The following HSF2BP variants were observed in gnomAD, a reference collection of about 807,000 sequenced individuals.
HSF2BP encodes heat shock transcription factor 2 binding protein, also known as heat shock factor 2-binding protein.
Under a neutral mutation model 35.0 loss-of-function variants are expected in HSF2BP, and 35 were observed. The observed-to-expected ratio is 1.00, with a 90% CI of 0.76 to 1.32. The LOEUF is 1.32. HSF2BP is among the 40% of genes most tolerant of loss of function. The probability of loss-of-function intolerance (pLI) is 0.00; values close to 1 mark genes in which losing one functional copy is unlikely to be tolerated. For missense variants in HSF2BP, 326 were observed against 321.7 expected, an observed-to-expected ratio of 1.01 and a Z score of -0.10; for synonymous variants, 114 against 117.4, an observed-to-expected ratio of 0.97 and a Z score of 0.18.
At chr21:43,581,771 G>A (rs1205843738) in intron 8 of HSF2BP, among the ~76,000 whole-genome samples, 1 of 152,068 alleles carries the variant, frequency 6.6e-6, no homozygotes, top group Non-Finnish European at 1.5e-5. Context: ...CAGCCATATA[G>A]CTGGCACTGC....
chr21:43,588,747 G>A (rs972656680), intron 8 of HSF2BP, among the ~76,000 whole-genome samples: 10 of 152,086 alleles, frequency 6.6e-5, no homozygotes, highest in South Asian at 6.2e-4. Context: ...GACACTGTCC[G>A]CTTGCTCACG....
At chr21:43,657,324 C>A (rs1011577492) in intron 2 of HSF2BP, among the ~76,000 whole-genome samples, 2 of 152,342 alleles carry the variant, frequency 1.3e-5, no homozygotes, top group Non-Finnish European at 2.9e-5. Flanking sequence ...CGTGCCACTG[C>A]ACTCCAGTCT....
chr21:43,643,405 C>G (rs1225244416), intron 4 of HSF2BP, among the ~76,000 whole-genome samples: 1 of 152,042 alleles, frequency 6.6e-6, no homozygotes, highest in Non-Finnish European at 1.5e-5. Flanking sequence ...CCTCATGAAG[C>G]GATTAATGTG....
chr21:43,615,922 C>A (rs2082263772), intron 6 of HSF2BP, among the ~76,000 whole-genome samples: 1 of 151,992 alleles, frequency 6.6e-6, no homozygotes, highest in East Asian at 1.9e-4. Flanking sequence ...AGCAAACTGT[C>A]CCTGCCAAAC....
chr21:43,608,502 A>C (rs536119087), intron 7 of HSF2BP, among the ~76,000 whole-genome samples: 83 of 152,328 alleles, frequency 5.4e-4, no homozygotes, highest in Admixed American at 9.8e-4. Flanking sequence ...GTTGGTGGGA[A>C]TGTAAATTAA....
At chr21:43,580,426 C>T (rs2081710125) in intron 8 of HSF2BP, among the ~76,000 whole-genome samples, 1 of 152,198 alleles carries the variant, frequency 6.6e-6, no homozygotes, top group Non-Finnish European at 1.5e-5. Context: ...GCCATTTGAC[C>T]ACTCAATTAT....
chr21:43,639,144 A>C (rs901007437), intron 4 of HSF2BP, among the ~76,000 whole-genome samples: 2 of 152,230 alleles, frequency 1.3e-5, no homozygotes, highest in African/African-American at 4.8e-5. Context: ...TTCTACAAAA[A>C]TTAACTCAAA....
chr21:43,609,008 C>T (rs570995832), intron 7 of HSF2BP, among the ~76,000 whole-genome samples: 2 of 152,230 alleles, frequency 1.3e-5, no homozygotes, highest in African/African-American at 4.8e-5. Flanking sequence ...ATAGCAAAGA[C>T]ATAGAATCAA....
chr21:43,655,716 C>T (rs979970570), intron 3 of HSF2BP, among the ~76,000 whole-genome samples: 1 of 152,204 alleles, frequency 6.6e-6, no homozygotes, highest in African/African-American at 2.4e-5. Flanking sequence ...ATCTACCTCC[C>T]AGAGCACACC....
chr21:43,616,206 C>A (rs1031477248), intron 6 of HSF2BP, among the ~76,000 whole-genome samples: 1 of 152,146 alleles, frequency 6.6e-6, no homozygotes, highest in African/African-American at 2.4e-5. Context: ...CAGCAGAATG[C>A]ACACCATGAG....
intron 5 of HSF2BP, among the ~76,000 whole-genome samples, chr21:43,632,341 CAT>C (rs1416675445): frequency 2.5e-5 from 3 of 118,090 alleles, no homozygotes; most frequent in Non-Finnish European, 3.4e-5. Context: ...CCCACACACA[CAT>C]GCTCCCATAC....
chr21:43,575,495 CAGA>C (rs2081631728), intron 8 of HSF2BP, among the ~76,000 whole-genome samples: 1 of 152,318 alleles, frequency 6.6e-6, no homozygotes, highest in South Asian at 2.1e-4. Flanking sequence ...TGATTCTTTC[CAGA>C]AGGAGAGGAT....
intron 7 of HSF2BP, among the ~76,000 whole-genome samples, chr21:43,613,022 C>T (rs942059503): frequency 1.3e-5 from 2 of 152,198 alleles, no homozygotes; most frequent in African/African-American, 4.8e-5. Context: ...AAGAGTTAAT[C>T]AAAAGGAGTT....
chr21:43,467,923 A>C, the HSF2BP span, among the ~76,000 whole-genome samples: 1 of 102,768 alleles, frequency 9.7e-6, no homozygotes, highest in Non-Finnish European at 2.0e-5. Context: ...CACCACACAC[A>C]CCACACACCA....
chr21:43,657,886 C>A (rs1008022081), intron 2 of HSF2BP, 175 bp downstream of exon 2: 2 of 985,358 alleles, frequency 2.0e-6, no homozygotes, highest in Non-Finnish European at 2.4e-6. Flanking sequence ...AGTCGCCTCC[C>A]GCCCCAGGTC....
At chr21:43,605,471 C>A (rs1297586540) in intron 7 of HSF2BP, among the ~76,000 whole-genome samples, 1 of 145,782 alleles carries the variant, frequency 6.9e-6, no homozygotes, top group Admixed American at 6.8e-5. Flanking sequence ...CCCACACACC[C>A]CCACACGCCA....
chr21:43,608,138 T>C (rs994701921), intron 7 of HSF2BP, among the ~76,000 whole-genome samples: 1 of 149,670 alleles, frequency 6.7e-6, no homozygotes, highest in African/African-American at 2.5e-5. Context: ...CAAAAAAAAC[T>C]ATCAACAGAG....
At chr21:43,619,215 A>T (rs1247283524) in intron 6 of HSF2BP, among the ~76,000 whole-genome samples, 1 of 152,218 alleles carries the variant, frequency 6.6e-6, no homozygotes, top group Non-Finnish European at 1.5e-5. Context: ...TATTTGCTTT[A>T]CTGCAGTAAT....
At chr21:43,647,957 A>T (rs1390207739) in intron 3 of HSF2BP, among the ~76,000 whole-genome samples, 1 of 151,670 alleles carries the variant, frequency 6.6e-6, no homozygotes, top group Non-Finnish European at 1.5e-5. Flanking sequence ...AAAAAACTAA[A>T]ATCAATCTTG....
Sources: gnomAD v4.1 joint callset for allele counts (sites outside exome capture counted in the v4.1 genomes callset) on GRCh38, gnomAD v4.1.1 for gene constraint, MANE v1.5 for transcripts, NCBI Gene and HGNC (gene_info 2026-07-23, HGNC 2026-07-21) for gene names.